Variants in JAK1 observed in about 807,000 individuals in gnomAD.
JAK1 encodes tyrosine-protein kinase JAK1.
Under a neutral mutation model 136.6 loss-of-function variants are expected in JAK1, and 16 were observed. The observed-to-expected ratio is 0.12, with a 90% CI of 0.08 to 0.18. JAK1 has a LOEUF of 0.18. Ranked by LOEUF, JAK1 falls within the 10% of genes least tolerant of loss-of-function variation. The pLI is 1.00. For synonymous variants in JAK1, 492 were observed against 519.5 expected, an observed-to-expected ratio of 0.95 and a Z score of 0.72; for missense variants, 859 against 1,450.1, an observed-to-expected ratio of 0.59 and a Z score of 6.62.
At chr1:64,909,721 G>T (rs186683521) in intron 1 of JAK1, among the ~76,000 whole-genome samples, 62 of 152,148 alleles carry the variant, frequency 4.1e-4, no homozygotes, top group African/African-American at 1.4e-3. Flanking sequence ...CTACTTGGGA[G>T]GCTGAAGTGG....
upstream of JAK1, among the ~76,000 whole-genome samples, chr1:64,969,641 A>G (rs772387691): frequency 1.3e-5 from 2 of 152,204 alleles, no homozygotes; most frequent in Non-Finnish European, 2.9e-5. Flanking sequence ...ATACTGAGGA[A>G]GATGCAAAAG....
chr1:64,863,476 C>A (rs111261949), intron 8 of JAK1, among the ~76,000 whole-genome samples: 1 of 152,130 alleles, frequency 6.6e-6, no homozygotes, highest in South Asian at 2.1e-4. Flanking sequence ...AGCTCTTCTA[C>A]TTCTCCCTCT....
intron 1 of JAK1, among the ~76,000 whole-genome samples, chr1:64,894,721 G>A (rs1644988852): frequency 6.6e-6 from 1 of 152,134 alleles, no homozygotes; most frequent in Non-Finnish European, 1.5e-5. Flanking sequence ...AGGGTGCAGA[G>A]AGCAAAGATC....
intron 9 of JAK1, among the ~76,000 whole-genome samples, chr1:64,858,608 A>G (rs1656095499): frequency 6.6e-6 from 1 of 152,206 alleles, no homozygotes; most frequent in Non-Finnish European, 1.5e-5. Flanking sequence ...ATATCCATTC[A>G]TTCAACAAAT....
At chr1:64,971,562 CT>C (rs34048219) in intron 2 of JAK1, among the ~76,000 whole-genome samples, 22,864 of 144,110 alleles carry the variant, frequency 0.16, 2,415 homozygotes, top group East Asian at 0.44. Flanking sequence ...CTCTGTCATA[CT>C]TTTTTTTTTT....
At chr1:65,021,533 G>A (rs1646936953) in intron 2 of JAK1, among the ~76,000 whole-genome samples, 1 of 152,134 alleles carries the variant, frequency 6.6e-6, no homozygotes, top group South Asian at 2.1e-4. Context: ...TGTAGGATAT[G>A]AGGCATTGAT....
intron 2 of JAK1, among the ~76,000 whole-genome samples, chr1:64,980,554 CTT>C (rs550290962): frequency 1.4e-5 from 2 of 142,306 alleles, no homozygotes; most frequent in Admixed American, 6.9e-5. Flanking sequence ...TCTCAATTTT[CTT>C]TTTTTTTTTT....
chr1:64,979,858 C>T (rs1250483051), intron 2 of JAK1: 5 of 152,184 alleles, frequency 3.3e-5, no homozygotes, highest in African/African-American at 1.2e-4. Context: ...TGAACCGAAC[C>T]GTGAAGGACA....
intron 12 of JAK1, among the ~76,000 whole-genome samples, chr1:64,848,526 G>A (rs1655386261): frequency 6.6e-6 from 1 of 152,176 alleles, no homozygotes; most frequent in Non-Finnish European, 1.5e-5. Context: ...ATGTGAAAGG[G>A]AACAATACCC....
intron 1 of JAK1, among the ~76,000 whole-genome samples, chr1:65,055,670 T>G (rs1488843913): frequency 6.6e-6 from 1 of 152,234 alleles, no homozygotes; most frequent in Non-Finnish European, 1.5e-5. Context: ...GGATCTGTCT[T>G]GCATCACTTC....
chr1:65,045,988 A>G (rs933885704), intron 1 of JAK1, among the ~76,000 whole-genome samples: 1 of 152,192 alleles, frequency 6.6e-6, no homozygotes, highest in Non-Finnish European at 1.5e-5. Context: ...ATCTAAGAAT[A>G]TGGTTGTTTA....
At chr1:64,933,370 GA>G (rs1645732332) in intron 1 of JAK1, among the ~76,000 whole-genome samples, 3 of 152,222 alleles carry the variant, frequency 2.0e-5, no homozygotes, top group Admixed American at 6.5e-5. Flanking sequence ...AACTATTCAT[GA>G]GTGTAGCATT....
intron 1 of JAK1, among the ~76,000 whole-genome samples, chr1:64,924,272 A>G (rs554620440): frequency 6.6e-6 from 1 of 152,324 alleles, no homozygotes; most frequent in African/African-American, 2.4e-5. Context: ...GGTATATCAA[A>G]ACAATGCAAA....
At chr1:65,046,801 C>T (rs1202585137) in intron 1 of JAK1, among the ~76,000 whole-genome samples, 1 of 151,188 alleles carries the variant, frequency 6.6e-6, no homozygotes, top group Non-Finnish European at 1.5e-5. Context: ...CCACTCGCCT[C>T]AGTCTCCCAA....
intron 2 of JAK1, chr1:65,003,780 T>TC (rs1646781909): frequency 6.6e-6 from 1 of 151,996 alleles, no homozygotes; most frequent in Non-Finnish European, 1.5e-5. Context: ...AAAGCCTTAC[T>TC]CCACTCCCTC....
chr1:64,962,152 AT>A (rs1193658168), intron 1 of JAK1, among the ~76,000 whole-genome samples: 2 of 152,330 alleles, frequency 1.3e-5, no homozygotes, highest in East Asian at 3.9e-4. Context: ...TAGACTGTAA[AT>A]TCCACACGAG....
At chr1:64,927,990 T>G (rs74895283) in intron 1 of JAK1, among the ~76,000 whole-genome samples, 3,104 of 152,268 alleles carry the variant, frequency 0.02, 117 homozygotes, top group African/African-American at 0.072. Flanking sequence ...GTTTTCTAAT[T>G]TTCACAAAGA....
intron 2 of JAK1, among the ~76,000 whole-genome samples, chr1:65,010,718 C>T (rs1405094938): frequency 2.0e-5 from 3 of 152,214 alleles, no homozygotes; most frequent in Non-Finnish European, 2.9e-5. Context: ...TGGTGGCTTA[C>T]ACCTGTAATC....
At chr1:64,947,543 A>G (rs1294496550) in intron 1 of JAK1, among the ~76,000 whole-genome samples, 2 of 152,176 alleles carry the variant, frequency 1.3e-5, no homozygotes, top group Admixed American at 1.3e-4. Context: ...CTTACTGAGA[A>G]GGGGAATGCC....
Sources: allele counts gnomAD v4.1 joint callset (sites outside exome capture counted in the v4.1 genomes callset), GRCh38; gene constraint gnomAD v4.1.1; transcripts MANE v1.5; gene names NCBI Gene and HGNC (gene_info 2026-07-23, HGNC 2026-07-21).